The following PDE4D variants were observed in gnomAD, a reference collection of about 807,000 sequenced individuals.
The protein encoded by PDE4D is 3',5'-cyclic-AMP phosphodiesterase 4D.
Under a neutral mutation model 87.4 loss-of-function variants are expected in PDE4D, and 24 were observed. That is an observed-to-expected ratio of 0.27 (90% CI 0.20 to 0.39). PDE4D has a LOEUF of 0.39. PDE4D is among the 10% of genes least tolerant of loss of function. The probability of loss-of-function intolerance (pLI) is 1.00; values close to 1 mark genes in which losing one functional copy is unlikely to be tolerated. For synonymous variants in PDE4D, 384 were observed against 383.2 expected (o/e 1.00, Z -0.02); for missense variants, 714 against 1,041.0 (o/e 0.69, Z 4.32).
intron 1 of PDE4D, among the ~76,000 whole-genome samples, chr5:60,232,569 G>C (rs1027586668): frequency 1.3e-5 from 2 of 151,802 alleles, no homozygotes; most frequent in Non-Finnish European, 2.9e-5. Flanking sequence ...CTGAACTACT[G>C]TCCCACACTG....
chr5:59,724,684 G>T (rs1407687519), intron 1 of PDE4D, among the ~76,000 whole-genome samples: 1 of 152,112 alleles, frequency 6.6e-6, no homozygotes, highest in Non-Finnish European at 1.5e-5. Context: ...CAAAGTGGGT[G>T]TGAGTGCACC....
chr5:60,173,457 C>T (rs1209586541), intron 2 of PDE4D, among the ~76,000 whole-genome samples: 2 of 151,966 alleles, frequency 1.3e-5, no homozygotes, highest in Non-Finnish European at 2.9e-5. Flanking sequence ...TAATTCCATT[C>T]GAATCTGGTA....
intron 1 of PDE4D, among the ~76,000 whole-genome samples, chr5:60,323,246 T>A (rs1000528769): frequency 3.3e-5 from 5 of 152,218 alleles, no homozygotes; most frequent in Non-Finnish European, 7.3e-5. Flanking sequence ...GTCTACTTGA[T>A]GTTTCTTTTC....
intron 1 of PDE4D, among the ~76,000 whole-genome samples, chr5:60,259,898 G>C (rs1259133623): frequency 6.6e-6 from 1 of 151,958 alleles, no homozygotes; most frequent in East Asian, 1.9e-4. Context: ...AAGGAAAGTG[G>C]CTACTTCTGC....
chr5:59,015,105 T>C (rs1580302955), intron 6 of PDE4D, among the ~76,000 whole-genome samples: 2 of 152,172 alleles, frequency 1.3e-5, no homozygotes, highest in East Asian at 1.9e-4. Flanking sequence ...TTCCTTACAC[T>C]TTATACAAAA....
At chr5:59,878,027 G>T (rs1748870795) in intron 1 of PDE4D, among the ~76,000 whole-genome samples, 1 of 152,136 alleles carries the variant, frequency 6.6e-6, no homozygotes, top group Admixed American at 6.5e-5. Flanking sequence ...AGCTGGAAAG[G>T]CTGGTGTAGT....
At chr5:59,827,580 A>G (rs921240017) in intron 1 of PDE4D, among the ~76,000 whole-genome samples, 40 of 152,150 alleles carry the variant, frequency 2.6e-4, no homozygotes, top group Admixed American at 1.4e-3. Flanking sequence ...TACTGCCCAG[A>G]AGGAGGATGC....
chr5:59,033,062 G>A (rs1040630706), intron 6 of PDE4D, among the ~76,000 whole-genome samples: 1 of 151,902 alleles, frequency 6.6e-6, no homozygotes, highest in Non-Finnish European at 1.5e-5. Flanking sequence ...CACATACAAA[G>A]TATAACAAAA....
chr5:59,684,293 A>G (rs1749502624), intron 1 of PDE4D, among the ~76,000 whole-genome samples: 1 of 152,148 alleles, frequency 6.6e-6, no homozygotes, highest in African/African-American at 2.4e-5. Context: ...TGTATTCTAC[A>G]GTATTATCTT....
intron 1 of PDE4D, among the ~76,000 whole-genome samples, chr5:59,298,487 A>G (rs1022918646): frequency 1.3e-5 from 2 of 152,144 alleles, no homozygotes; most frequent in Non-Finnish European, 2.9e-5. Flanking sequence ...TGCTGAAACA[A>G]TTTAGGAGAA....
chr5:59,264,641 G>A (rs1762562738), intron 1 of PDE4D, among the ~76,000 whole-genome samples: 2 of 151,826 alleles, frequency 1.3e-5, no homozygotes, highest in South Asian at 4.1e-4. Context: ...TTTTTCCCAA[G>A]CTGGTGAACT....
chr5:58,996,329 TATACTC>T (rs1749219011), intron 6 of PDE4D, among the ~76,000 whole-genome samples: 1 of 152,018 alleles, frequency 6.6e-6, no homozygotes, highest in African/African-American at 2.4e-5. Context: ...CTTGGAAAAA[TATACTC>T]ATTAGGCAAA....
chr5:59,624,502 C>T (rs1362961766), intron 1 of PDE4D, among the ~76,000 whole-genome samples: 1 of 152,124 alleles, frequency 6.6e-6, no homozygotes, highest in African/African-American at 2.4e-5. Flanking sequence ...CCCAGGCAGC[C>T]ATCAGGGAGG....
chr5:59,861,026 ATTT>A (rs33992679), intron 1 of PDE4D, among the ~76,000 whole-genome samples: 1 of 134,964 alleles, frequency 7.4e-6, no homozygotes, highest in Admixed American at 7.4e-5. Flanking sequence ...CACCTAGATA[ATTT>A]TTTTTTTTTT....
In PDE4D at chr5:58,989,875, T is replaced by G; in HGVS notation, c.1332A>C (p.Leu444Phe). The change falls in exon 10 of 15, where the codon TTA (leucine) becomes TTC (phenylalanine). Residue 444 changes from leucine (L) to phenylalanine (F), a missense_variant. Physicochemically the swap from Leu to Phe is conservative, Grantham distance 22. This residue lies in a region of PDE4D where 141 missense variants were observed against 204.3 expected (regional missense o/e 0.69). Coordinates refer to ENST00000340635, the MANE Select transcript of PDE4D (RefSeq NM_001104631.2). ...CTTCGAGAGTCATAAGATATGTAATTAAAGTATCTACTGGAATTTTAAATG... is the reference window on the plus strand; with the variant it reads ...CTTCGAGAGTCATAAGATATGTAATGAAAGTATCTACTGGAATTTTAAATG... ...LKTFKIPVDT[L>F]ITYLMTLEDH... 6.5e-7 allele frequency: 1 copy of G among 1,550,008 alleles called. No homozygotes were observed. The highest frequency in any genetic ancestry group is 8.9e-7 in the Non-Finnish European group (1 of 1,123,966).
At chr5:59,010,729 C>T (rs977237064) in intron 6 of PDE4D, among the ~76,000 whole-genome samples, 1 of 152,112 alleles carries the variant, frequency 6.6e-6, no homozygotes, top group Non-Finnish European at 1.5e-5. Context: ...TCTACTGCTC[C>T]CAGCATGAGT....
intron 1 of PDE4D, among the ~76,000 whole-genome samples, chr5:59,722,746 G>T (rs1427452788): frequency 6.6e-6 from 1 of 152,078 alleles, no homozygotes; most frequent in African/African-American, 2.4e-5. Context: ...AATGTTATAT[G>T]TTGAACATTT....
chr5:60,503,587 C>T (rs190142105), intron 1 of PDE4D, among the ~76,000 whole-genome samples: 12 of 152,152 alleles, frequency 7.9e-5, no homozygotes, highest in Admixed American at 2.6e-4. Context: ...TCTATGGAAA[C>T]GTAAGGTTGT....
chr5:59,005,235 T>C (rs1399269983), intron 6 of PDE4D, among the ~76,000 whole-genome samples: 1 of 152,200 alleles, frequency 6.6e-6, no homozygotes. Flanking sequence ...CCCTGCTGAA[T>C]GTGAGTGATG....
Sources: gnomAD v4.1 joint callset for allele counts (sites outside exome capture counted in the v4.1 genomes callset) on GRCh38, gnomAD v4.1.1 for gene constraint, gnomAD v4.1.1 regional missense constraint, MANE v1.5 for transcripts, NCBI Gene and HGNC (gene_info 2026-07-23, HGNC 2026-07-21) for gene names.